The following SPAG6 variants were observed in gnomAD, a reference collection of about 807,000 sequenced individuals.
The protein encoded by SPAG6 is sperm-associated antigen 6.
Under a neutral mutation model 58.5 loss-of-function variants are expected in SPAG6, and 49 were observed. That is an observed-to-expected ratio of 0.84 (90% CI 0.67 to 1.06). The LOEUF is 1.06. Among genes scored for constraint, SPAG6 ranks in the 50% least tolerant of loss-of-function variants. The pLI, the probability that SPAG6 is intolerant of heterozygous loss-of-function variation, is 0.00. For synonymous variants in SPAG6, 233 were observed against 225.6 expected (o/e 1.03, Z -0.29); for missense variants, 560 against 611.3 (o/e 0.92, Z 0.89).
chr10:22,379,641 G>C (rs913765933), intron 4 of SPAG6, among the ~76,000 whole-genome samples: 1 of 152,160 alleles, frequency 6.6e-6, no homozygotes, highest in Non-Finnish European at 1.5e-5. Flanking sequence ...GATAGGTCTT[G>C]AGCCTGAACC....
chr10:22,352,171 A>AAT, intron 2 of SPAG6, among the ~76,000 whole-genome samples: 1 of 151,924 alleles, frequency 6.6e-6, no homozygotes, highest in Non-Finnish European at 1.5e-5. Flanking sequence ...AAAAAAAAAA[A>AAT]GTCATGCTGA....
chr10:22,362,186 A>G (rs1837064082), intron 2 of SPAG6, among the ~76,000 whole-genome samples: 1 of 146,476 alleles, frequency 6.8e-6, no homozygotes, highest in Non-Finnish European at 1.5e-5. Flanking sequence ...AAATATATTT[A>G]TATTTATGTG....
chr10:22,345,726 T>G lies in SPAG6; in HGVS notation c.29T>G (p.Phe10Cys). 1.2e-6 allele frequency: 2 copies of G among 1,611,982 alleles called. No individual in the cohort carries two copies. Among genetic ancestry groups the G allele is most frequent in the Non-Finnish European group, 1.7e-6 (2 of 1,179,172 alleles). ...CCACCGACTCTCTCTCCCGCAGTGT[T>G]CGAGCAATACCAGAAGGCCAGGACC... is the stretch of plus-strand genomic sequence containing the variant. MSQRQVLQV[F>C]EQYQKARTQF... Residue 10 changes from phenylalanine (F) to cysteine (C), a missense_variant, in exon 2 of 11, where the codon TTC becomes TGC. Physicochemically the swap from Phe to Cys is radical, Grantham distance 205 (BLOSUM62 -2). Transcript: ENST00000376624. The surrounding 1 kb of genome is among the most constrained non-coding windows in gnomAD (Gnocchi z 6.3).
chr10:22,363,025 G>A (rs1188281733), intron 2 of SPAG6, among the ~76,000 whole-genome samples: 5 of 152,082 alleles, frequency 3.3e-5, no homozygotes, highest in Admixed American at 1.3e-4. Context: ...TGGAATCCTC[G>A]TAAAATGATG....
At chr10:22,412,310 G>T in intron 10 of SPAG6, 3 of 542,846 alleles carry the variant, frequency 5.5e-6, no homozygotes, top group South Asian at 2.6e-5. Flanking sequence ...ATATACTTAC[G>T]CAAGTTGCAA....
chr10:22,347,666 A>G (rs1335510763), intron 2 of SPAG6, among the ~76,000 whole-genome samples: 2 of 152,188 alleles, frequency 1.3e-5, no homozygotes, highest in Non-Finnish European at 1.5e-5. Context: ...CTCCTCCCAT[A>G]AGAGTGCAAT....
intron 4 of SPAG6, among the ~76,000 whole-genome samples, chr10:22,371,511 C>T (rs918584334): frequency 1.3e-5 from 2 of 152,162 alleles, no homozygotes; most frequent in African/African-American, 4.8e-5. Flanking sequence ...CTCGGCCTCC[C>T]AAAGTGCTGG....
intron 4 of SPAG6, among the ~76,000 whole-genome samples, chr10:22,376,681 A>G (rs1485379291): frequency 6.6e-6 from 1 of 151,958 alleles, no homozygotes; most frequent in East Asian, 1.9e-4. Context: ...AGCCTCCCAC[A>G]TCGTGTGTCC....
intron 4 of SPAG6, among the ~76,000 whole-genome samples, chr10:22,374,264 T>C (rs551649495): frequency 1.3e-5 from 2 of 152,288 alleles, no homozygotes; most frequent in Admixed American, 1.3e-4. Flanking sequence ...CTTGAGGCAT[T>C]TATGTCTGTG....
In SPAG6 at chr10:22,368,452, A is replaced by G. The variant is rs759734358; in HGVS notation, c.289-43A>G. On this transcript the variant is annotated intron_variant, in intron 3 of 10. Transcript: ENST00000376624. The stretch of plus-strand genomic sequence containing the variant: ...GTCTATTTTAGATTTTGGTTTTCTA[A>G]GTACTCAATTCATTTTGAGTTTTGT... The G allele has an allele frequency of 1.9e-6, 3 of 1,565,576 alleles. No individual in the cohort carries two copies. The African/African-American group carries it at 4.1e-5, about 21-fold the overall frequency.
intron 4 of SPAG6, among the ~76,000 whole-genome samples, chr10:22,376,948 G>A (rs1237450408): frequency 6.6e-6 from 1 of 151,844 alleles, no homozygotes; most frequent in Admixed American, 6.6e-5. Context: ...GAGTATAGTG[G>A]TGTACAGCTA....
At chr10:22,353,890 A>T (rs905539901) in intron 2 of SPAG6, among the ~76,000 whole-genome samples, 1 of 152,232 alleles carries the variant, frequency 6.6e-6, no homozygotes, top group African/African-American at 2.4e-5. Context: ...ATAAAATGGC[A>T]TTCAGGTAGA....
At chr10:22,351,095 G>A (rs1474672536) in intron 2 of SPAG6, among the ~76,000 whole-genome samples, 3 of 152,170 alleles carry the variant, frequency 2.0e-5, no homozygotes, top group Admixed American at 6.5e-5. Context: ...AACAAGTCCT[G>A]TCTTTAGGTA....
Position 22,391,861 on chromosome 10 carries a change from T to G in SPAG6, c.1138T>G (p.Leu380Val), listed in dbSNP as rs201073762. The G allele has an allele frequency of 4.6e-5, 74 of 1,613,518 alleles. No homozygotes were observed. Among genetic ancestry groups the G allele is most frequent in the Admixed American group, 1.3e-4 (8 of 59,882 alleles). ...ACGGGCTGTTGCAGTCACAAATACT[T>G]TGCCAGTTCTGCTTTCTTTGTACAT... is the stretch of plus-strand genomic sequence containing the variant. Reference protein sequence around the residue: ...HARAVAVTNTLPVLLSLYMST... With the variant: ...HARAVAVTNTVPVLLSLYMST... The change falls in exon 8 of 11, where the codon TTG becomes GTG. Residue 380 changes from leucine to valine, a missense_variant. Transcript: ENST00000376624.
rs374555670 is a variant in SPAG6 at position 22,400,864 on chromosome 10, T to A, written c.1198-297T>A. On this transcript the variant is annotated intron_variant, in intron 8 of 10. Coordinates refer to ENST00000376624, the MANE Select transcript of SPAG6 (RefSeq NM_012443.4). ...ATTTTTACTCTAATATAGTACATAT[T>A]AATTTATAGTCTGTAACTTTGTGCT... Among the ~76,000 whole-genome samples, 32 of 152,314 alleles carry A rather than the reference T, an allele frequency of 2.1e-4. 2 individuals are homozygous for A. The highest frequency in any genetic ancestry group is 6.5e-4 in the African/African-American group (27 of 41,586).
chr10:22,346,447 T>TCTTCTC (rs1335887277), intron 2 of SPAG6, among the ~76,000 whole-genome samples: 5 of 136,780 alleles, frequency 3.7e-5, no homozygotes, highest in Admixed American at 7.1e-5. Flanking sequence ...TTCTTCTTCT[T>TCTTCTC]CTTCTTCTTC....
chr10:22,398,095 AC>A (rs1834335882), intron 8 of SPAG6, among the ~76,000 whole-genome samples: 1 of 152,174 alleles, frequency 6.6e-6, no homozygotes, highest in South Asian at 2.1e-4. Context: ...TCTGAAATAA[AC>A]CCTTTTTATC....
At chr10:22,346,430 G>GTTCTTCTTC (rs71393995) in intron 2 of SPAG6, among the ~76,000 whole-genome samples, 12,636 of 95,800 alleles carry the variant, frequency 0.13, 1,216 homozygotes, top group East Asian at 0.17. Flanking sequence ...AGAGAAAATG[G>GTTCTTCTTC]TTCTTCTTCT....
Position 22,415,378 on chromosome 10 carries a change from G to A in SPAG6, c.1461-1241G>A, listed in dbSNP as rs79546550. On this transcript the variant is annotated intron_variant, in intron 10 of 10. Coordinates refer to ENST00000376624, the MANE Select transcript of SPAG6 (RefSeq NM_012443.4). ...TTATCTGGTGTCCGATACATTTGAA[G>A]GCCTAGGAAGGTAAAGCCTGCTTTA... is the stretch of plus-strand genomic sequence containing the variant. 9.4e-3 allele frequency among the ~76,000 whole-genome samples: 1,431 copies of A among 152,044 alleles called. 24 individuals carry two copies. The highest frequency in any genetic ancestry group is 0.033 in the African/African-American group (1,364 of 41,500).
Sources: allele counts gnomAD v4.1 joint callset (sites outside exome capture counted in the v4.1 genomes callset), GRCh38; gene constraint gnomAD v4.1.1; non-coding constraint Gnocchi (gnomAD v3.1); transcripts MANE v1.5; gene names NCBI Gene and HGNC (gene_info 2026-07-23, HGNC 2026-07-21).